NCK2: variants seen among roughly 807,000 people sequenced by gnomAD.
NCK2 encodes NCK adaptor protein 2.
A neutral mutation model predicts 33.9 loss-of-function variants in NCK2; 16 were observed. The observed-to-expected ratio is 0.47, with a 90% CI of 0.32 to 0.72. The LOEUF (loss-of-function observed/expected upper bound fraction) is 0.72, where lower values mean the gene tolerates loss of function less well. Ranked by LOEUF, NCK2 falls within the 30% of genes least tolerant of loss-of-function variation. The pLI is 0.03. For synonymous variants in NCK2, 273 were observed against 239.9 expected, an observed-to-expected ratio of 1.14 and a Z score of -1.27; for missense variants, 418 against 537.3, an observed-to-expected ratio of 0.78 and a Z score of 2.19.
At chr2:105,787,737 C>T (rs1363150326) in intron 1 of NCK2, among the ~76,000 whole-genome samples, 2 of 152,196 alleles carry the variant, frequency 1.3e-5, no homozygotes, top group Non-Finnish European at 2.9e-5. Flanking sequence ...AGCATCTCCA[C>T]TAGCCAGGTT....
chr2:105,813,470 T>C (rs1197690940), intron 1 of NCK2, among the ~76,000 whole-genome samples: 2 of 152,228 alleles, frequency 1.3e-5, no homozygotes, highest in Non-Finnish European at 2.9e-5. Flanking sequence ...CCTGAACTGC[T>C]CCTCTGGAGT....
intron 1 of NCK2, among the ~76,000 whole-genome samples, chr2:105,805,855 A>G (rs1048492693): frequency 8.5e-5 from 13 of 152,242 alleles, no homozygotes; most frequent in African/African-American, 2.9e-4. Context: ...ACCTGGAACC[A>G]GAAATGTTTC....
intron 2 of NCK2, among the ~76,000 whole-genome samples, chr2:105,840,614 A>G (rs1676606591): frequency 6.6e-6 from 1 of 152,214 alleles, no homozygotes. Flanking sequence ...CCCCCACTTC[A>G]GATGCCAGTT....
chr2:105,794,136 C>T (rs1289672850), intron 1 of NCK2, among the ~76,000 whole-genome samples: 1 of 151,186 alleles, frequency 6.6e-6, no homozygotes, highest in Non-Finnish European at 1.5e-5. Flanking sequence ...GCAACCTCCA[C>T]CTGCCAGGTT....
intron 3 of NCK2, among the ~76,000 whole-genome samples, chr2:105,862,351 T>C (rs1472598821): frequency 6.6e-6 from 1 of 152,174 alleles, no homozygotes. Flanking sequence ...GGTACATAAA[T>C]TTATGAAAAT....
At chr2:105,876,988 C>A (rs966443276) in intron 3 of NCK2, among the ~76,000 whole-genome samples, 6 of 152,174 alleles carry the variant, frequency 3.9e-5, no homozygotes, top group Non-Finnish European at 5.9e-5. Flanking sequence ...CAGAAACCGT[C>A]CCTTTGAGAT....
Position 105,893,086 on chromosome 2 carries a change from C to T in NCK2, c.1053C>T (p.Thr351=). The T allele has an allele frequency of 2.5e-6, 4 of 1,614,112 alleles. No homozygotes were observed. Among genetic ancestry groups the T allele is most frequent in the Non-Finnish European group, 3.4e-6 (4 of 1,180,012 alleles). ...GCATTGGGCAGCGGCGCTTCCACAC[C>T]ATGGACGAGCTGGTGGAACACTACA... ...VYCIGQRRFH[T]MDELVEHYKK... The change falls in exon 5 of 5, where the codon ACC becomes ACT. Residue 351 remains threonine, a synonymous_variant. Coordinates refer to ENST00000233154, the MANE Select transcript of NCK2 (RefSeq NM_003581.5).
intron 1 of NCK2, among the ~76,000 whole-genome samples, chr2:105,760,887 CAT>C (rs1689745521): frequency 6.6e-6 from 1 of 152,028 alleles, no homozygotes; most frequent in Admixed American, 6.6e-5. Flanking sequence ...ATAGTTTCTA[CAT>C]GTGTCATGCC....
intron 1 of NCK2, among the ~76,000 whole-genome samples, chr2:105,747,521 C>T (rs943970065): frequency 7.9e-5 from 12 of 152,022 alleles, no homozygotes; most frequent in African/African-American, 2.4e-4. Context: ...ACAGGGCTTG[C>T]GGAAATCATT....
chr2:105,888,056 A>G (rs1349987241), intron 4 of NCK2, among the ~76,000 whole-genome samples: 1 of 152,352 alleles, frequency 6.6e-6, no homozygotes, highest in African/African-American at 2.4e-5. Flanking sequence ...GGAGCTAAAT[A>G]GGGTTCTTGC....
chr2:105,795,705 A>G (rs995359755), intron 1 of NCK2, among the ~76,000 whole-genome samples: 4 of 152,174 alleles, frequency 2.6e-5, no homozygotes, highest in African/African-American at 9.7e-5. Context: ...CCTACAACGC[A>G]GGGGACAGCT....
chr2:105,782,114 C>T (rs1466931465), intron 1 of NCK2, among the ~76,000 whole-genome samples: 2 of 152,158 alleles, frequency 1.3e-5, no homozygotes, highest in East Asian at 1.9e-4. Flanking sequence ...ACTATGACTG[C>T]GGGAAGTTGC....
intron 3 of NCK2, 65 bp downstream of exon 3, chr2:105,855,354 G>C: frequency 4.3e-6 from 5 of 1,168,856 alleles, no homozygotes; most frequent in East Asian, 2.7e-5. Context: ...CGTCTTTCTA[G>C]TTAGTTTGCT....
intron 2 of NCK2, among the ~76,000 whole-genome samples, chr2:105,834,481 T>A (rs1355942848): frequency 6.6e-6 from 1 of 152,170 alleles, no homozygotes; most frequent in Non-Finnish European, 1.5e-5. Context: ...TTGCTTACTT[T>A]TGGTTTTCAT....
intron 1 of NCK2, among the ~76,000 whole-genome samples, chr2:105,755,489 T>A (rs62154116): frequency 0.25 from 37,680 of 152,154 alleles, 5,414 homozygotes; most frequent in Middle Eastern, 0.36. Context: ...AAGTAGGTTC[T>A]CCTTTCATGA....
chr2:105,770,991 C>T (rs1690117652), intron 1 of NCK2, among the ~76,000 whole-genome samples: 2 of 152,056 alleles, frequency 1.3e-5, no homozygotes, highest in Admixed American at 6.5e-5. Context: ...GGTGCGATCT[C>T]AGCTCACTGC....
intron 1 of NCK2, among the ~76,000 whole-genome samples, chr2:105,745,380 A>C: frequency 6.6e-6 from 1 of 151,088 alleles, no homozygotes; most frequent in East Asian, 2.0e-4. Flanking sequence ...AACCCCCACC[A>C]TCGGGGGCCG....
chr2:105,802,277 G>A (rs115180012), intron 1 of NCK2, among the ~76,000 whole-genome samples: 2,646 of 152,278 alleles, frequency 0.017, 79 homozygotes, highest in African/African-American at 0.059. Flanking sequence ...TGGTGTGGGA[G>A]GCTGGGCCCA....
chr2:105,779,932 G>A (rs898608762), intron 1 of NCK2, among the ~76,000 whole-genome samples: 4 of 152,120 alleles, frequency 2.6e-5, no homozygotes, highest in Admixed American at 6.5e-5. Flanking sequence ...TCAGGATAGC[G>A]TGTACATATC....
Sources: gnomAD v4.1 joint callset for allele counts (sites outside exome capture counted in the v4.1 genomes callset) on GRCh38, gnomAD v4.1.1 for gene constraint, MANE v1.5 for transcripts, NCBI Gene and HGNC (gene_info 2026-07-23, HGNC 2026-07-21) for gene names.